AKAP7: variants seen among roughly 807,000 people sequenced by gnomAD.
The protein encoded by AKAP7 is A-kinase anchoring protein 7, also known as A kinase (PRKA) anchor protein 7.
Under a neutral mutation model 39.5 loss-of-function variants are expected in AKAP7, and 39 were observed. The observed-to-expected ratio is 0.99, with a 90% CI of 0.76 to 1.29. AKAP7 has a LOEUF of 1.29. Among genes scored for constraint, AKAP7 ranks in the 50% most tolerant of loss-of-function variants. AKAP7 has a pLI of 0.00. For synonymous variants in AKAP7, 140 were observed against 139.1 expected (o/e 1.01, Z -0.05); for missense variants, 414 against 407.7 (o/e 1.02, Z -0.13).
chr6:131,249,826 A>G (rs1024361689), intron 7 of AKAP7, among the ~76,000 whole-genome samples: 2 of 152,166 alleles, frequency 1.3e-5, no homozygotes, highest in East Asian at 1.9e-4. Flanking sequence ...GGCTGTTGAC[A>G]TATTTGATGG....
chr6:131,228,057 C>T (rs571537589), intron 7 of AKAP7, among the ~76,000 whole-genome samples: 12 of 152,294 alleles, frequency 7.9e-5, no homozygotes, highest in African/African-American at 1.7e-4. Context: ...ACGTCCTTAT[C>T]TTCAGTGCTC....
intron 2 of AKAP7, among the ~76,000 whole-genome samples, chr6:131,152,372 A>G (rs1801991690): frequency 6.6e-6 from 1 of 152,194 alleles, no homozygotes; most frequent in Admixed American, 6.5e-5. Flanking sequence ...TATGAAACTA[A>G]AAATAAAGAA....
intron 7 of AKAP7, among the ~76,000 whole-genome samples, chr6:131,226,648 A>C (rs1176002853): frequency 1.3e-5 from 2 of 152,318 alleles, no homozygotes; most frequent in East Asian, 3.9e-4. Flanking sequence ...AAATGACTAA[A>C]TGACACCTTT....
chr6:131,179,454 G>A (rs916785990), intron 5 of AKAP7, among the ~76,000 whole-genome samples: 2 of 152,156 alleles, frequency 1.3e-5, no homozygotes, highest in African/African-American at 2.4e-5. Context: ...GATTACAGGC[G>A]TGAGCCACCG....
intron 7 of AKAP7, chr6:131,250,183 A>G: frequency 1.0e-6 from 1 of 997,026 alleles, no homozygotes; most frequent in Admixed American, 5.8e-5. Context: ...TCTGTAGGAG[A>G]AAGGGCTCAT....
At chr6:131,207,705 G>T (rs1332058461) in intron 6 of AKAP7, among the ~76,000 whole-genome samples, 1 of 151,682 alleles carries the variant, frequency 6.6e-6, no homozygotes, top group African/African-American at 2.4e-5. Flanking sequence ...GGAAGTGCTG[G>T]TGGTAGAGGC....
intron 1 of AKAP7, 103 bp downstream of exon 1, chr6:131,135,885 C>T: frequency 8.5e-7 from 1 of 1,176,264 alleles, no homozygotes. Flanking sequence ...CCCGCGCCGG[C>T]CCTTCTCCGA....
chr6:131,219,560 A>G, intron 6 of AKAP7, 101 bp from the exon 7 acceptor site: 1 of 1,064,560 alleles, frequency 9.4e-7, no homozygotes, highest in South Asian at 1.6e-5. Context: ...GTGGTGTAAC[A>G]ATGTAGTAAT....
chr6:131,164,375 C>G (rs1036643083), intron 3 of AKAP7: 5 of 455,372 alleles, frequency 1.1e-5, no homozygotes, highest in South Asian at 3.1e-5. Flanking sequence ...AGGGAAGATG[C>G]ATCATTCCTC....
rs777825640 is a variant in AKAP7 at position 131,199,482 on chromosome 6, A to C, written c.611A>C (p.Gln204Pro). The change falls in exon 6 of 8, where the codon CAA (glutamine) becomes CCA (proline). Residue 204 changes from glutamine to proline, a missense_variant. By Grantham distance (76) the Gln-to-Pro change is moderately conservative. Coordinates refer to ENST00000431975, the MANE Select transcript of AKAP7 (RefSeq NM_016377.4). ...TCAGAGACTGCAAATAGGACATTTC[A>C]AGAAAAAGGCATCCTGGTAGGAGAG... ...EIAETANRTFQEKGILVGESR... is the reference protein window; with the variant it reads ...EIAETANRTFPEKGILVGESR... The C allele has an allele frequency of 2.5e-6, 4 of 1,606,088 alleles. No homozygotes were observed. The South Asian group carries it at 4.4e-5, about 18-fold the overall frequency.
Position 131,135,555 on chromosome 6 carries a change from G to C in AKAP7, c.-209G>C. ...CTGCTGCCGCTGCCGCGGGGGCTGC[G>C]GCTTGGGAAGCTCCGCGCTTCCGCA... On this transcript the variant is annotated 5_prime_UTR_variant, in exon 1 of 8. Transcript: ENST00000431975. 1 of 217,012 alleles carries C rather than the reference G, an allele frequency of 4.6e-6. No homozygotes were observed. The highest frequency in any genetic ancestry group is 7.8e-6 in the Non-Finnish European group (1 of 128,026). The allele number at this position is 217,012 out of a possible 1,614,324, so 13.4% of individuals were successfully genotyped here.
At chr6:131,182,153 A>T (rs189929656) in intron 5 of AKAP7, among the ~76,000 whole-genome samples, 47 of 152,310 alleles carry the variant, frequency 3.1e-4, no homozygotes, top group African/African-American at 1.1e-3. Flanking sequence ...TAACTATAGT[A>T]AAATACATAT....
chr6:131,169,983 C>T (rs1188431802), intron 5 of AKAP7, among the ~76,000 whole-genome samples: 2 of 151,578 alleles, frequency 1.3e-5, no homozygotes, highest in Admixed American at 6.6e-5. Flanking sequence ...TTCTCTGCCC[C>T]CTCTTTCCTC....
chr6:131,159,384 A>T (rs374979879), intron 2 of AKAP7, among the ~76,000 whole-genome samples: 1 of 152,160 alleles, frequency 6.6e-6, no homozygotes, highest in African/African-American at 2.4e-5. Context: ...TGAGCCACCG[A>T]GCCTGGCCAA....
At chr6:131,152,671 A>G (rs1802024052) in intron 2 of AKAP7, among the ~76,000 whole-genome samples, 1 of 151,686 alleles carries the variant, frequency 6.6e-6, no homozygotes, top group African/African-American at 2.4e-5. Context: ...TACTAAAAAT[A>G]CAAAGATTAG....
upstream of AKAP7, among the ~76,000 whole-genome samples, chr6:131,131,327 C>A (rs1192889180): frequency 2.0e-5 from 3 of 152,202 alleles, no homozygotes; most frequent in Non-Finnish European, 4.4e-5. Context: ...TGCTGCAGAA[C>A]ACCTTTGCAT....
At chr6:131,159,351 C>T (rs965600684) in intron 2 of AKAP7, among the ~76,000 whole-genome samples, 1 of 151,996 alleles carries the variant, frequency 6.6e-6, no homozygotes, top group Non-Finnish European at 1.5e-5. Context: ...CCTCGGCCTC[C>T]CAAAGTGCTG....
intron 7 of AKAP7, among the ~76,000 whole-genome samples, chr6:131,265,978 A>C (rs1020527118): frequency 1.3e-5 from 2 of 152,236 alleles, no homozygotes; most frequent in African/African-American, 4.8e-5. Context: ...GGAAAATACA[A>C]GTGTGCAGAG....
At chr6:131,151,787 G>C (rs74932305) in intron 2 of AKAP7, among the ~76,000 whole-genome samples, 1 of 152,274 alleles carries the variant, frequency 6.6e-6, no homozygotes, top group African/African-American at 2.4e-5. Flanking sequence ...AGTGTTCTAA[G>C]TCAATAGCTA....
Sources: allele counts gnomAD v4.1 joint callset (sites outside exome capture counted in the v4.1 genomes callset), GRCh38; gene constraint gnomAD v4.1.1; transcripts MANE v1.5; gene names NCBI Gene and HGNC (gene_info 2026-07-23, HGNC 2026-07-21).